Variants in XPR1 observed in about 807,000 individuals in gnomAD.
XPR1 encodes the protein xenotropic and polytropic retrovirus receptor 1, also known as solute carrier family 53 member 1.
XPR1 carries 28 observed loss-of-function variants against 87.5 expected under a neutral mutation model. The observed-to-expected ratio is 0.32, with a 90% CI of 0.24 to 0.44. The LOEUF is 0.44. Among genes scored for constraint, XPR1 ranks in the 20% least tolerant of loss-of-function variants. The pLI is 1.00. For synonymous variants in XPR1, 300 were observed against 306.1 expected, an observed-to-expected ratio of 0.98 and a Z score of 0.21; for missense variants, 559 against 862.3, an observed-to-expected ratio of 0.65 and a Z score of 4.41.
At chr1:180,793,050 C>T (rs1304304979) in intron 3 of XPR1, among the ~76,000 whole-genome samples, 3 of 151,460 alleles carry the variant, frequency 2.0e-5, no homozygotes, top group Non-Finnish European at 4.4e-5. Flanking sequence ...TTTTTGACTT[C>T]GGTTACATTG....
Position 180,884,047 on chromosome 1 carries a change from A to G in XPR1, c.2072A>G (p.Asp691Gly). ...ACTAAGGTATTGATAGAAGACACAG[A>G]TGATGAAGCTAACACTTGAATTTTC... The part of the protein sequence containing the change: ...RDTKVLIEDT[D>G]DEANT Residue 691 changes from aspartate (D) to glycine (G), a missense_variant, in exon 15 of 15, where the codon GAT becomes GGT. By Grantham distance (94) the Asp-to-Gly change is moderately conservative. Transcript: ENST00000367590. The G allele has an allele frequency of 6.2e-7, 1 of 1,614,102 alleles. No homozygotes were observed. Among genetic ancestry groups the G allele is most frequent in the Non-Finnish European group, 8.5e-7 (1 of 1,179,976 alleles).
Position 180,863,889 on chromosome 1 carries a change from T to C in XPR1, c.1668+15T>C, listed in dbSNP as rs1235454076. The C allele has an allele frequency of 6.4e-7, 1 of 1,558,642 alleles. No individual in the cohort carries two copies. The highest frequency in any genetic ancestry group is 1.4e-5 in the African/African-American group (1 of 72,978). ...ACCCCCAAAAAGTATGTATAAAGAG[T>C]GTGTTTGTTTAAAAGAACAAACTTA... On this transcript the variant is annotated intron_variant, in intron 12 of 14. Coordinates refer to ENST00000367590, the MANE Select transcript of XPR1 (RefSeq NM_004736.4).
At chr1:180,772,678 T>A (rs1648561510) in intron 2 of XPR1, among the ~76,000 whole-genome samples, 1 of 152,180 alleles carries the variant, frequency 6.6e-6, no homozygotes, top group African/African-American at 2.4e-5. Context: ...CTCATGAGAT[T>A]TGATGGTTTT....
At chr1:180,757,010 C>T (rs961252657) in intron 2 of XPR1, among the ~76,000 whole-genome samples, 2 of 152,088 alleles carry the variant, frequency 1.3e-5, no homozygotes, top group Admixed American at 1.3e-4. Flanking sequence ...TTTCGTTGAC[C>T]TATGTTTATT....
At chr1:180,708,942 C>T (rs1301239665) in intron 2 of XPR1, among the ~76,000 whole-genome samples, 9 of 133,868 alleles carry the variant, frequency 6.7e-5, no homozygotes, top group Middle Eastern at 6.3e-3. Context: ...GGACAAGTCT[C>T]GCTCTGTCGC....
In XPR1 at chr1:180,880,142, T is replaced by C; in HGVS notation, c.1875T>C (p.Ala625=). The change falls in exon 14 of 15, where the codon GCT becomes GCC. Residue 625 remains alanine, a synonymous_variant. Coordinates refer to ENST00000367590, the MANE Select transcript of XPR1 (RefSeq NM_004736.4). ...TGAATAACTGTGGTGAATTCCGTGC[T>C]GTGCGGGACATCTCTGTGGCCCCCC... ...EHLNNCGEFR[A]VRDISVAPLN... is the part of the protein sequence containing the mutation. 1.2e-6 allele frequency: 2 copies of C among 1,614,236 alleles called. No individual in the cohort carries two copies. The highest frequency in any genetic ancestry group is 8.5e-7 in the Non-Finnish European group (1 of 1,180,040).
chr1:180,844,125 C>A (rs1479546154), intron 11 of XPR1, among the ~76,000 whole-genome samples: 1 of 152,082 alleles, frequency 6.6e-6, no homozygotes, highest in Non-Finnish European at 1.5e-5. Context: ...GCAGGAGAAT[C>A]ATTTGAACCT....
intron 3 of XPR1, among the ~76,000 whole-genome samples, chr1:180,793,729 C>T (rs925045687): frequency 6.6e-6 from 1 of 152,050 alleles, no homozygotes; most frequent in Non-Finnish European, 1.5e-5. Context: ...AAGGAAATTA[C>T]AATTACAATA....
chr1:180,788,119 G>T (rs1649224394), intron 3 of XPR1, among the ~76,000 whole-genome samples: 1 of 152,112 alleles, frequency 6.6e-6, no homozygotes, highest in Non-Finnish European at 1.5e-5. Flanking sequence ...CTTCACTGTG[G>T]CCCAGTTCAA....
chr1:180,741,968 T>C (rs1032465811), intron 2 of XPR1, among the ~76,000 whole-genome samples: 12 of 152,324 alleles, frequency 7.9e-5, no homozygotes, highest in African/African-American at 2.9e-4. Flanking sequence ...TCCTTGAATG[T>C]CTGCAATGTC....
chr1:180,828,186 T>C (rs979754164), intron 9 of XPR1, among the ~76,000 whole-genome samples: 2 of 152,140 alleles, frequency 1.3e-5, no homozygotes, highest in African/African-American at 4.8e-5. Flanking sequence ...TTTTCTTTAA[T>C]TTTTAGTGAG....
At chr1:180,853,517 A>G (rs1018452453) in intron 11 of XPR1, among the ~76,000 whole-genome samples, 3 of 151,948 alleles carry the variant, frequency 2.0e-5, no homozygotes, top group Non-Finnish European at 4.4e-5. Flanking sequence ...CAGTTTTGAC[A>G]TCTTTGATTG....
chr1:180,865,561 C>T (rs552485155), intron 12 of XPR1, among the ~76,000 whole-genome samples: 3 of 152,162 alleles, frequency 2.0e-5, no homozygotes, highest in South Asian at 4.2e-4. Flanking sequence ...CCACCACGTC[C>T]GGTTAATTTT....
At chr1:180,757,507 T>C (rs1647792929) in intron 2 of XPR1, among the ~76,000 whole-genome samples, 1 of 41,794 alleles carries the variant, frequency 2.4e-5, no homozygotes, top group Admixed American at 2.9e-4. Flanking sequence ...TTACTAGGCC[T>C]TTTTTTTTTT....
chr1:180,834,741 CTG>C, intron 9 of XPR1, 131 bp from the exon 10 acceptor site: 1 of 995,318 alleles, frequency 1.0e-6, no homozygotes, highest in South Asian at 1.9e-5. Flanking sequence ...TGCCAGGTCT[CTG>C]TATTTATGAT....
chr1:180,764,047 G>T (rs1254743352), intron 2 of XPR1, among the ~76,000 whole-genome samples: 2 of 152,106 alleles, frequency 1.3e-5, no homozygotes, highest in Non-Finnish European at 2.9e-5. Flanking sequence ...TTCCTGATAA[G>T]TACTTATGTG....
chr1:180,776,228 C>G (rs1269411348), intron 2 of XPR1, among the ~76,000 whole-genome samples: 1 of 151,974 alleles, frequency 6.6e-6, no homozygotes, highest in African/African-American at 2.4e-5. Flanking sequence ...TTGGAAAATA[C>G]ATAGGCATTC....
chr1:180,863,713 G>C lies in XPR1; in HGVS notation c.1507G>C (p.Gly503Arg), dbSNP rs146001635. 6.4e-7 allele frequency: 1 copy of C among 1,565,466 alleles called. No individual in the cohort carries two copies. The highest frequency in any genetic ancestry group is 1.4e-5 in the African/African-American group (1 of 72,606). The stretch of plus-strand genomic sequence containing the variant: ...TTTCCCTCTTCTTTCTTCAGAACGA[G>C]GTCACTCGGACACTATGGTGTTCTT... ...AALYSTHKER[G>R]HSDTMVFFYL... Residue 503 changes from glycine (G) to arginine (R), a missense_variant, in exon 12 of 15, where the codon GGT becomes CGT. Coordinates refer to ENST00000367590, the MANE Select transcript of XPR1 (RefSeq NM_004736.4).
At chr1:180,779,803 A>T (rs1024632105) in intron 2 of XPR1, among the ~76,000 whole-genome samples, 12 of 152,098 alleles carry the variant, frequency 7.9e-5, no homozygotes, top group Non-Finnish European at 1.5e-5. Flanking sequence ...TATCTAATTC[A>T]AGAACATTTT....
Sources: gnomAD v4.1 joint callset for allele counts (sites outside exome capture counted in the v4.1 genomes callset) on GRCh38, gnomAD v4.1.1 for gene constraint, MANE v1.5 for transcripts, NCBI Gene and HGNC (gene_info 2026-07-23, HGNC 2026-07-21) for gene names.